The following DCHS2 variants were observed in gnomAD, a reference collection of about 807,000 sequenced individuals.
DCHS2 encodes protocadherin-23.
Under a neutral mutation model 182.4 loss-of-function variants are expected in DCHS2, and 142 were observed. The observed-to-expected ratio is 0.78, with a 90% CI of 0.68 to 0.89. The LOEUF is 0.89. Among genes scored for constraint, DCHS2 ranks in the 40% least tolerant of loss-of-function variants. The probability of loss-of-function intolerance (pLI) is 0.00; values close to 1 mark genes in which losing one functional copy is unlikely to be tolerated. For missense variants in DCHS2, 4,319 were observed against 4,198.6 expected (o/e 1.03, Z -0.79); for synonymous variants, 1,740 against 1,663.3 (o/e 1.05, Z -1.12).
At chr4:154,386,164 C>G (rs980305321) in intron 1 of DCHS2, among the ~76,000 whole-genome samples, 2 of 152,202 alleles carry the variant, frequency 1.3e-5, no homozygotes, top group Admixed American at 6.5e-5. Context: ...TCCTATTACT[C>G]TCTTGCTAAG....
intron 19 of DCHS2, among the ~76,000 whole-genome samples, chr4:154,237,848 A>G (rs1425899416): frequency 6.6e-6 from 1 of 152,236 alleles, no homozygotes. Flanking sequence ...GAGTCCCACC[A>G]TGAACTAAAT....
intron 1 of DCHS2, among the ~76,000 whole-genome samples, chr4:154,380,439 A>G (rs1372498119): frequency 6.6e-6 from 1 of 152,170 alleles, no homozygotes. Context: ...AGAAGCTTCA[A>G]GTTCCTGAAG....
At chr4:154,283,626 CA>C (rs559729146) in intron 13 of DCHS2, among the ~76,000 whole-genome samples, 39 of 152,260 alleles carry the variant, frequency 2.6e-4, no homozygotes, top group Non-Finnish European at 4.0e-4. Flanking sequence ...TTTAAAAATG[CA>C]CACATAGCAA....
chr4:154,371,127 T>C (rs1017018342), intron 2 of DCHS2, among the ~76,000 whole-genome samples: 19 of 151,084 alleles, frequency 1.3e-4, no homozygotes, highest in African/African-American at 4.4e-4. Context: ...CCCAGAATGA[T>C]GAGGAAACTG....
At position 154,237,023 on chromosome 4, in the gene DCHS2, G is replaced by T. The variant is rs141912971; in HGVS notation, c.7629C>A (p.Asn2543Lys). Residue 2543 changes from asparagine to lysine, a missense_variant, in exon 20 of 20, where the codon AAC (asparagine) becomes AAA (lysine). Asn to Lys is a moderately conservative substitution (Grantham distance 94). Coordinates refer to ENST00000357232, the MANE Select transcript of DCHS2 (RefSeq NM_001358235.2). ...TLVEIGIEDM[N>K]NYAPEFTVKS... ...TGACTGTGAATTCAGGGGCATAATTGTTCATATCTTCTATTCCTATCTCCA... is the reference window on the plus strand; with the variant it reads ...TGACTGTGAATTCAGGGGCATAATTTTTCATATCTTCTATTCCTATCTCCA... The T allele has an allele frequency of 1.2e-5, 19 of 1,613,812 alleles. No homozygotes were observed. Among genetic ancestry groups the T allele is most frequent in the Non-Finnish European group, 1.6e-5 (19 of 1,179,904 alleles).
intron 12 of DCHS2, among the ~76,000 whole-genome samples, chr4:154,300,730 A>G (rs545027432): frequency 1.3e-5 from 2 of 152,078 alleles, no homozygotes; most frequent in East Asian, 1.9e-4. Context: ...AGAAAAGAAA[A>G]TGAAAATGGG....
At chr4:154,281,090 G>A (rs1039789345) in intron 13 of DCHS2, among the ~76,000 whole-genome samples, 1 of 152,014 alleles carries the variant, frequency 6.6e-6, no homozygotes, top group Non-Finnish European at 1.5e-5. Flanking sequence ...ACCTCCCAAA[G>A]TGCTGGGATT....
intron 13 of DCHS2, among the ~76,000 whole-genome samples, chr4:154,273,821 T>A (rs1316264522): frequency 6.6e-6 from 1 of 152,080 alleles, no homozygotes; most frequent in Non-Finnish European, 1.5e-5. Context: ...TCCTGCCCTA[T>A]ACGATTACAC....
At chr4:154,400,253 A>T (rs1732110165) in intron 1 of DCHS2, among the ~76,000 whole-genome samples, 1 of 137,576 alleles carries the variant, frequency 7.3e-6, no homozygotes, top group Admixed American at 8.8e-5. Flanking sequence ...CAGGGAGCCG[A>T]GATTGCGCCA....
At chr4:154,479,497 TGTG>T (rs1353039781) in intron 1 of DCHS2, among the ~76,000 whole-genome samples, 4 of 152,186 alleles carry the variant, frequency 2.6e-5, no homozygotes, top group African/African-American at 9.6e-5. Context: ...AACAGACAAA[TGTG>T]GTAACTGTAC....
rs1234889640 is a variant in DCHS2, at chr4:154,269,921, G to A, written c.6556C>T (p.Leu2186Phe). 4 of 1,612,178 alleles carry A rather than the reference G, an allele frequency of 2.5e-6. No homozygotes were observed. In the East Asian group the frequency reaches 6.7e-5, roughly 27 times the overall value. ...SIFSGNEDGVLSLCSKSGQLT... is the reference protein window; with the variant it reads ...SIFSGNEDGVFSLCSKSGQLT... ...TTACCTGACTTAGAGCACAGGGAAA[G>A]AACTCCATCTTCATTTCCACTAAAA... The change falls in exon 14 of 20, where the codon CTT (leucine) becomes TTT (phenylalanine). Residue 2186 changes from leucine to phenylalanine, a missense_variant. Coordinates refer to ENST00000357232, the MANE Select transcript of DCHS2 (RefSeq NM_001358235.2).
Position 154,449,219 on chromosome 4 carries a change from GA to G in DCHS2, c.2052+40084del, listed in dbSNP as rs11437957. Among the ~76,000 whole-genome samples the G allele has an allele frequency of 4.7e-3, 701 of 149,562 alleles. 5 individuals are homozygous for G. The highest frequency in any genetic ancestry group is 6.6e-3 in the Non-Finnish European group (443 of 67,468). On this transcript the variant is annotated intron_variant, in intron 1 of 19. Coordinates refer to ENST00000357232, the MANE Select transcript of DCHS2 (RefSeq NM_001358235.2). ...TTGTCACTTAAATATCCCCAAAATT[GA>G]AAAAAAAAATGCTGTCATTGATACA...
chr4:154,301,513 T>C, intron 12 of DCHS2, among the ~76,000 whole-genome samples: 1 of 152,118 alleles, frequency 6.6e-6, no homozygotes, highest in Admixed American at 6.5e-5. Context: ...TATTTTTATT[T>C]TTATTTTTTG....
chr4:154,388,432 G>A (rs1271046825), intron 1 of DCHS2, among the ~76,000 whole-genome samples: 1 of 151,342 alleles, frequency 6.6e-6, no homozygotes, highest in African/African-American at 2.4e-5. Context: ...ATTTAATGTG[G>A]GGAATAGGTG....
At chr4:154,288,088 T>C (rs988235482) in intron 13 of DCHS2, among the ~76,000 whole-genome samples, 2 of 151,990 alleles carry the variant, frequency 1.3e-5, no homozygotes, top group African/African-American at 4.8e-5. Context: ...ATAATAACAC[T>C]GAATGTAACT....
At chr4:154,459,461 T>A (rs1247460822) in intron 1 of DCHS2, among the ~76,000 whole-genome samples, 2 of 151,948 alleles carry the variant, frequency 1.3e-5, no homozygotes, top group African/African-American at 4.8e-5. Context: ...CTCTTCTCAA[T>A]GAAAGGGAAA....
At position 154,236,176 on chromosome 4, in the gene DCHS2, G is replaced by A; in HGVS notation, c.8476C>T (p.Leu2826Phe). ...ATATCCCCTGTCAAAGGGTCAATGAGGAAGAGATCATGATCATAAGACATT... is the reference window on the plus strand; with the variant it reads ...ATATCCCCTGTCAAAGGGTCAATGAAGAAGAGATCATGATCATAAGACATT... The part of the protein sequence containing the change: ...HGMSYDHDLF[L>F]IDPLTGDIHA... Residue 2826 changes from leucine (L) to phenylalanine (F), a missense_variant, in exon 20 of 20, where the codon CTC (leucine) becomes TTC (phenylalanine). Transcript: ENST00000357232. 6.2e-7 allele frequency: 1 copy of A among 1,613,870 alleles called. No homozygotes were observed. The highest frequency in any genetic ancestry group is 8.5e-7 in the Non-Finnish European group (1 of 1,179,960).
At chr4:154,317,941 C>T (rs1735920719) in intron 9 of DCHS2, among the ~76,000 whole-genome samples, 1 of 151,980 alleles carries the variant, frequency 6.6e-6, no homozygotes, top group African/African-American at 2.4e-5. Context: ...ATATTATTTC[C>T]AATATTTACG....
Position 154,332,654 on chromosome 4 carries a change from T to G in DCHS2, c.3554A>C (p.Asn1185Thr). ...ATGCAAGAAGGTGGGGGAATTGTCA[T>G]TCTCATCCCAGACACGAACAATGAC... The part of the protein sequence containing the change: ...TTVIVRVWDE[N>T]DNSPTFLHDV... Residue 1185 changes from asparagine (N) to threonine (T), a missense_variant, in exon 5 of 20, where the codon AAT (asparagine) becomes ACT (threonine). Asn to Thr is a moderately conservative substitution (Grantham distance 65, BLOSUM62 0). Transcript: ENST00000357232. 4 of 1,614,262 alleles carry G rather than the reference T, an allele frequency of 2.5e-6. No individual in the cohort carries two copies. Among genetic ancestry groups the G allele is most frequent in the Non-Finnish European group, 3.4e-6 (4 of 1,180,044 alleles).
Sources: gnomAD v4.1 joint callset for allele counts (sites outside exome capture counted in the v4.1 genomes callset) on GRCh38, gnomAD v4.1.1 for gene constraint, MANE v1.5 for transcripts, NCBI Gene and HGNC (gene_info 2026-07-23, HGNC 2026-07-21) for gene names.